The following LINC00305 variants were observed in gnomAD, a reference collection of about 807,000 sequenced individuals.
LINC00305 encodes the protein long intergenic non-protein coding RNA 305.
chr18:64,125,467 A>T (rs1175644961), intron 1 of LINC00305, among the ~76,000 whole-genome samples: 3 of 152,132 alleles, frequency 2.0e-5, no homozygotes, highest in African/African-American at 7.2e-5. Context: ...TCAAATATTT[A>T]TCCCTTAATT....
At chr18:64,132,959 C>A (rs2051416507) in intron 1 of LINC00305, among the ~76,000 whole-genome samples, 1 of 152,118 alleles carries the variant, frequency 6.6e-6, no homozygotes, top group Admixed American at 6.6e-5. Flanking sequence ...TGCTGACAAG[C>A]AAAGTCGAGA....
chr18:64,135,660 G>A (rs995069504), intron 1 of LINC00305, among the ~76,000 whole-genome samples: 17 of 151,924 alleles, frequency 1.1e-4, no homozygotes, highest in Non-Finnish European at 2.1e-4. Context: ...ATCTCAGCTC[G>A]CTGCAGCCTC....
rs139652429 is a variant in LINC00305 at position 64,111,457 on chromosome 18, C to T, written n.315-12817G>A. 8.3e-3 allele frequency among the ~76,000 whole-genome samples: 1,270 copies of T among 152,232 alleles called. 11 individuals carry two copies. The highest frequency in any genetic ancestry group is 0.014 in the Non-Finnish European group (950 of 68,014). On this transcript the variant is annotated intron_variant and non_coding_transcript_variant, in intron 1 of 3. Coordinates refer to ENST00000666468, the Ensembl canonical transcript of LINC00305. Reference sequence around the variant, plus strand: ...ACAGCAGAAGCTTCTGAATGCAGCTCAAATGGAAAATAAGCTCCCTGATAC... The same window carrying T: ...ACAGCAGAAGCTTCTGAATGCAGCTTAAATGGAAAATAAGCTCCCTGATAC...
In LINC00305 at chr18:64,131,043, G is replaced by A. The variant is rs2051407560; in HGVS notation, n.314+17732C>T. 3.9e-5 allele frequency among the ~76,000 whole-genome samples: 6 copies of A among 152,054 alleles called. No individual in the cohort carries two copies. In the South Asian group the frequency reaches 1.2e-3, roughly 32 times the overall value. On this transcript the variant is annotated intron_variant and non_coding_transcript_variant, in intron 1 of 3. Coordinates refer to ENST00000666468, the Ensembl canonical transcript of LINC00305. ...TTCACAGACCAATGAAAAGGGGGAG[G>A]CATCTCACTTAGATCTTTCTTTGCA... is the stretch of plus-strand genomic sequence containing the variant.
chr18:64,130,895 G>GA (rs1174990966), intron 1 of LINC00305, among the ~76,000 whole-genome samples: 1 of 152,140 alleles, frequency 6.6e-6, no homozygotes, highest in East Asian at 1.9e-4. Flanking sequence ...AGGTAGGGGA[G>GA]ACGCTATTGT....
chr18:64,092,622 A>G (rs535265725), intron 3 of LINC00305, among the ~76,000 whole-genome samples: 9 of 152,138 alleles, frequency 5.9e-5, no homozygotes, highest in African/African-American at 2.2e-4. Context: ...GGATGATGGG[A>G]TGTTTTCCTT....
At chr18:64,132,989 A>G (rs1367601008) in intron 1 of LINC00305, among the ~76,000 whole-genome samples, 1 of 152,198 alleles carries the variant, frequency 6.6e-6, no homozygotes, top group Non-Finnish European at 1.5e-5. Flanking sequence ...ATTCCTCCAC[A>G]TGGTTCCAGG....
At chr18:64,144,463 G>C (rs2051487163) in intron 1 of LINC00305, among the ~76,000 whole-genome samples, 1 of 152,138 alleles carries the variant, frequency 6.6e-6, no homozygotes, top group Non-Finnish European at 1.5e-5. Flanking sequence ...TTTTTGCCCA[G>C]TGAGACCTGT....
At chr18:64,139,125 A>C (rs1430242967) in intron 1 of LINC00305, among the ~76,000 whole-genome samples, 1 of 152,166 alleles carries the variant, frequency 6.6e-6, no homozygotes, top group African/African-American at 2.4e-5. Flanking sequence ...CCAATCAAAA[A>C]CTGAAATTCC....
chr18:64,081,807 G>A (rs985217521), intron 3 of LINC00305, among the ~76,000 whole-genome samples: 17 of 152,140 alleles, frequency 1.1e-4, no homozygotes, highest in Admixed American at 5.2e-4. Context: ...CCCACGTAAC[G>A]CCCTTGTACA....
exon 4 of LINC00305, chr18:64,080,310 C>T (rs2051179746): frequency 2.2e-6 from 1 of 457,356 alleles, no homozygotes; most frequent in South Asian, 1.5e-5. Flanking sequence ...GCTTAGTGAT[C>T]TCCTTTCCTC....
chr18:64,105,479 A>C (rs113930234), intron 1 of LINC00305, among the ~76,000 whole-genome samples: 30 of 152,270 alleles, frequency 2.0e-4, no homozygotes, highest in African/African-American at 2.6e-4. Flanking sequence ...AACAAACAAA[A>C]AAAAGTTATC....
chr18:64,130,090 C>A (rs527266653), intron 1 of LINC00305, among the ~76,000 whole-genome samples: 64 of 151,840 alleles, frequency 4.2e-4, no homozygotes, highest in Admixed American at 9.9e-4. Flanking sequence ...ATTAACTCAT[C>A]ATTTACATTA....
chr18:64,101,618 T>C (rs2051268297), intron 1 of LINC00305, among the ~76,000 whole-genome samples: 1 of 152,206 alleles, frequency 6.6e-6, no homozygotes, highest in Non-Finnish European at 1.5e-5. Context: ...TAATCCACGA[T>C]GACTTCATTT....
chr18:64,101,903 T>A (rs1393431200), intron 1 of LINC00305, among the ~76,000 whole-genome samples: 2 of 151,832 alleles, frequency 1.3e-5, no homozygotes, highest in Non-Finnish European at 2.9e-5. Context: ...TATGGCTGCT[T>A]GAATGTGGCT....
chr18:64,145,251 T>A (rs1262348224), intron 1 of LINC00305, among the ~76,000 whole-genome samples: 1 of 152,236 alleles, frequency 6.6e-6, no homozygotes, highest in Non-Finnish European at 1.5e-5. Context: ...CTATATACTG[T>A]ACTTCTACCT....
chr18:64,101,069 C>T lies in LINC00305; in HGVS notation n.315-2429G>A, dbSNP rs182824237. Reference sequence around the variant, plus strand: ...TCTTTGCAAATGATCTGAGCAACCCCGTCTCTACCATTGCTAAGTGCTGTT... The same window carrying T: ...TCTTTGCAAATGATCTGAGCAACCCTGTCTCTACCATTGCTAAGTGCTGTT... On this transcript the variant is annotated intron_variant and non_coding_transcript_variant, in intron 1 of 3. Coordinates refer to ENST00000666468, the Ensembl canonical transcript of LINC00305. Among the ~76,000 whole-genome samples the T allele has an allele frequency of 1.2e-3, 180 of 152,210 alleles. 2 individuals are homozygous for T. Among genetic ancestry groups the T allele is most frequent in the African/African-American group, 4.0e-3 (165 of 41,534 alleles).
At position 64,143,600 on chromosome 18, in the gene LINC00305, GTA is replaced by G. The variant is rs1289657895; in HGVS notation, n.314+5173_314+5174del. Among the ~76,000 whole-genome samples the G allele has an allele frequency of 1.6e-3, 144 of 91,946 alleles. 12 individuals carry two copies. Among genetic ancestry groups the G allele is most frequent in the African/African-American group, 4.9e-3 (83 of 17,070 alleles). The allele number at this position is 91,946 out of a possible 152,430, so 60.3% of individuals were successfully genotyped here. On this transcript the variant is annotated intron_variant and non_coding_transcript_variant, in intron 1 of 3. Transcript: ENST00000666468. ...TGTATATGTACATATGTACACATAT[GTA>G]TATGTACATATGTACACATATGTAT... is the stretch of plus-strand genomic sequence containing the variant.
intron 3 of LINC00305, among the ~76,000 whole-genome samples, chr18:64,095,022 T>G (rs2051239962): frequency 1.3e-5 from 2 of 152,138 alleles, no homozygotes; most frequent in African/African-American, 4.8e-5. Context: ...GAGAAGAGAC[T>G]GAACAGAATT....
Sources: allele counts gnomAD v4.1 joint callset (sites outside exome capture counted in the v4.1 genomes callset), GRCh38; gene constraint gnomAD v4.1.1; transcripts MANE v1.5; gene names NCBI Gene and HGNC (gene_info 2026-07-23, HGNC 2026-07-21).